IL1RAPL1: variants seen among roughly 807,000 people sequenced by gnomAD.
IL1RAPL1 encodes the protein interleukin-1 receptor accessory protein-like 1.
Under a neutral mutation model 48.4 loss-of-function variants are expected in IL1RAPL1, and 3 were observed. The ratio of observed to expected loss-of-function variants is 0.06; its 90% CI spans 0.03 to 0.16. IL1RAPL1 has a LOEUF of 0.16. Among genes scored for constraint, IL1RAPL1 ranks in the 10% least tolerant of loss-of-function variants. The probability of loss-of-function intolerance (pLI) is 1.00; values close to 1 mark genes in which losing one functional copy is unlikely to be tolerated. For synonymous variants in IL1RAPL1, 185 were observed against 187.7 expected (o/e 0.99, Z 0.12); for missense variants, 349 against 530.6 (o/e 0.66, Z 3.36).
At chrX:29,783,052 CTG>C (rs1929394303) in intron 6 of IL1RAPL1, among the ~76,000 whole-genome samples, 1 of 105,757 alleles carries the variant, frequency 9.5e-6, no homozygotes, top group Non-Finnish European at 1.9e-5. Flanking sequence ...CTACAGGCGC[CTG>C]CCACTACGCC....
chrX:29,342,396 T>C (rs958109007), intron 3 of IL1RAPL1, among the ~76,000 whole-genome samples: 7 of 111,869 alleles, frequency 6.3e-5, no homozygotes, highest in African/African-American at 2.3e-4. Flanking sequence ...AGTAAACAGA[T>C]AACAAGTAAA....
intron 1 of IL1RAPL1, among the ~76,000 whole-genome samples, chrX:28,724,710 G>C (rs1384448025): frequency 9.0e-6 from 1 of 111,180 alleles, no homozygotes; most frequent in Non-Finnish European, 1.9e-5. Context: ...TTAAAATTTG[G>C]CATGTTTTTG....
intron 1 of IL1RAPL1, among the ~76,000 whole-genome samples, chrX:28,699,057 T>C (rs1194040785): frequency 1.8e-5 from 2 of 112,227 alleles, no homozygotes; most frequent in African/African-American, 6.5e-5. Flanking sequence ...CTGGTGTCTC[T>C]TTAGCACAAC....
At chrX:28,726,224 G>A (rs940162616) in intron 1 of IL1RAPL1, among the ~76,000 whole-genome samples, 5 of 111,706 alleles carry the variant, frequency 4.5e-5, no homozygotes, top group African/African-American at 1.6e-4. Context: ...TGTAAAATGA[G>A]GTATATAATC....
intron 2 of IL1RAPL1, among the ~76,000 whole-genome samples, chrX:28,839,012 A>C (rs1174943496): frequency 1.8e-5 from 2 of 111,508 alleles, no homozygotes; most frequent in African/African-American, 6.5e-5. Flanking sequence ...CCTGCATTTA[A>C]ACAGAAGCTT....
chrX:29,515,180 G>A (rs1383828392), intron 5 of IL1RAPL1, among the ~76,000 whole-genome samples: 2 of 112,396 alleles, frequency 1.8e-5, no homozygotes, highest in Non-Finnish European at 3.8e-5. Flanking sequence ...TTTCTACTTT[G>A]AGATAATTGT....
chrX:29,295,880 A>G (rs961301672), intron 3 of IL1RAPL1, among the ~76,000 whole-genome samples: 2 of 112,116 alleles, frequency 1.8e-5, no homozygotes, highest in African/African-American at 6.5e-5. Context: ...TTCATAGGCC[A>G]GAACTTGTTC....
At chrX:29,920,445 G>T (rs1345789834) in intron 8 of IL1RAPL1, among the ~76,000 whole-genome samples, 1 of 110,877 alleles carries the variant, frequency 9.0e-6, no homozygotes, top group Non-Finnish European at 1.9e-5. Flanking sequence ...AAATGTGAAG[G>T]GCTTGACAGA....
chrX:29,529,062 A>T (rs1156260341), intron 5 of IL1RAPL1, among the ~76,000 whole-genome samples: 1 of 111,066 alleles, frequency 9.0e-6, no homozygotes, highest in Non-Finnish European at 1.9e-5. Flanking sequence ...ATAAGAGAGC[A>T]TCAGGCAACA....
chrX:29,846,752 CTATATA>C (rs3084827), intron 6 of IL1RAPL1, among the ~76,000 whole-genome samples: 1 of 93,622 alleles, frequency 1.1e-5, no homozygotes, highest in East Asian at 3.2e-4. Flanking sequence ...TAACCACAGT[CTATATA>C]TATATATATA....
At chrX:29,654,074 G>T (rs775235132) in intron 5 of IL1RAPL1, among the ~76,000 whole-genome samples, 39 of 109,720 alleles carry the variant, frequency 3.6e-4, no homozygotes, top group African/African-American at 1.2e-3. Flanking sequence ...AAGGAAAAAA[G>T]AAAGGAAGTG....
chrX:28,689,702 A>T (rs949910248), intron 1 of IL1RAPL1, among the ~76,000 whole-genome samples: 2 of 112,244 alleles, frequency 1.8e-5, no homozygotes, highest in African/African-American at 6.5e-5. Flanking sequence ...TCAATGCTAC[A>T]TAATCAAGCT....
chrX:29,457,301 G>C (rs1934751469), intron 5 of IL1RAPL1, among the ~76,000 whole-genome samples: 1 of 109,071 alleles, frequency 9.2e-6, no homozygotes, highest in African/African-American at 3.4e-5. Flanking sequence ...TTGTACCCAG[G>C]TAGTGAGCAT....
At chrX:29,394,002 T>G (rs1478395710) in intron 3 of IL1RAPL1, among the ~76,000 whole-genome samples, 1 of 110,328 alleles carries the variant, frequency 9.1e-6, no homozygotes, top group African/African-American at 3.3e-5. Context: ...ACACACTCTT[T>G]TCTCTCAAAG....
chrX:29,535,178 C>CTTTATT (rs1921188144), intron 5 of IL1RAPL1, among the ~76,000 whole-genome samples: 1 of 102,585 alleles, frequency 9.7e-6, no homozygotes, highest in African/African-American at 3.6e-5. Context: ...TCCCTTTATT[C>CTTTATT]CTATGAGAAC....
intron 2 of IL1RAPL1, among the ~76,000 whole-genome samples, chrX:28,878,447 T>C (rs1922427307): frequency 8.9e-6 from 1 of 112,123 alleles, no homozygotes; most frequent in Admixed American, 9.5e-5. Flanking sequence ...AGAGGTTGTA[T>C]GCCGACTCAG....
chrX:28,989,584 A>G (rs1040279482), intron 2 of IL1RAPL1, among the ~76,000 whole-genome samples: 2 of 112,340 alleles, frequency 1.8e-5, no homozygotes, highest in South Asian at 3.6e-4. Context: ...ACAAGGTTCA[A>G]TGAAATTCCT....
intron 5 of IL1RAPL1, among the ~76,000 whole-genome samples, chrX:29,587,701 G>A (rs1205747028): frequency 1.8e-5 from 2 of 111,360 alleles, no homozygotes; most frequent in Non-Finnish European, 3.8e-5. Context: ...AAACCACTGG[G>A]CTCCCCCTTG....
intron 2 of IL1RAPL1, among the ~76,000 whole-genome samples, chrX:29,228,857 G>A (rs191905590): frequency 2.3e-4 from 26 of 111,430 alleles, no homozygotes; most frequent in African/African-American, 8.5e-4. Flanking sequence ...TATCTGCCTT[G>A]TTGCCTTGCC....
Sources: allele counts gnomAD v4.1 joint callset (sites outside exome capture counted in the v4.1 genomes callset), GRCh38; gene constraint gnomAD v4.1.1; transcripts MANE v1.5; gene names NCBI Gene and HGNC (gene_info 2026-07-23, HGNC 2026-07-21).